Variants in ISM2 observed in about 807,000 individuals in gnomAD.
The protein encoded by ISM2 is isthmin-2.
Under a neutral mutation model 58.0 loss-of-function variants are expected in ISM2, and 50 were observed. The observed-to-expected ratio is 0.86, with a 90% CI of 0.69 to 1.09. The LOEUF (loss-of-function observed/expected upper bound fraction) is 1.09. ISM2 is among the 50% of genes least tolerant of loss of function. ISM2 has a pLI of 0.00. For missense variants in ISM2, 723 were observed against 745.0 expected (o/e 0.97, Z 0.34); for synonymous variants, 303 against 312.4 (o/e 0.97, Z 0.32).
intron 1 of ISM2, 44 bp downstream of exon 1, chr14:77,498,609 G>C (rs1304647332): frequency 7.1e-7 from 1 of 1,405,802 alleles, no homozygotes; most frequent in African/African-American, 1.5e-5. Flanking sequence ...CTGGGGAGGT[G>C]GGACCGACAG....
Position 77,484,831 on chromosome 14 carries a change from T to C in ISM2, c.230A>G (p.Gln77Arg). Residue 77 changes from glutamine (Q) to arginine (R), a missense_variant, in exon 2 of 7, where the codon CAA (glutamine) becomes CGA (arginine). Physicochemically the swap from Gln to Arg is conservative, Grantham distance 43. Transcript: ENST00000342219. The part of the protein sequence containing the change: ...PRTHLQAEPH[Q>R]HGCWTVTEPA... ...CTCAGTGACAGTCCAGCATCCATGT[T>C]GGTGTGGCTCTGCCTGCAGGTGGGT... The C allele has an allele frequency of 6.2e-7, 1 of 1,610,018 alleles. No individual in the cohort carries two copies. Among genetic ancestry groups the C allele is most frequent in the Non-Finnish European group, 8.5e-7 (1 of 1,178,426 alleles).
At chr14:77,484,944 G>A (rs1566755969) in intron 1 of ISM2, 25 bp from the exon 2 acceptor site, 3 of 1,532,758 alleles carry the variant, frequency 2.0e-6, no homozygotes, top group Non-Finnish European at 2.6e-6. Flanking sequence ...AGGAAGGTAA[G>A]GTAACAGGTC....
rs1479597014 is a variant in ISM2 at position 77,498,737 on chromosome 14, C to T, written c.57G>A (p.Ala19=). ...GGAGCCCTAGCGCCGCCTCCAGCAG[C>T]GCCGCCAGCAGCAGCACGCAGAGGA... The part of the protein sequence containing the change: ...GLLLCVLLLA[A]LLEAALGLPV... The change falls in exon 1 of 7, where the codon GCG becomes GCA. Residue 19 remains alanine, a synonymous_variant. Coordinates refer to ENST00000342219, the MANE Select transcript of ISM2 (RefSeq NM_199296.3). 13 of 1,482,204 alleles carry T rather than the reference C, an allele frequency of 8.8e-6. No homozygotes were observed. The highest frequency in any genetic ancestry group is 1.5e-5 in the African/African-American group (1 of 68,152). 91.8% of individuals were successfully genotyped at this position (1,482,204 alleles called of 1,614,324 possible).
chr14:77,488,008 A>G lies in ISM2; in HGVS notation c.142-3089T>C, dbSNP rs542431430. ...TACATCTCCCAGAAGGGCTGAGGGG[A>G]TCAGGGCCGGGCACCCAGAGGCCCA... On this transcript the variant is annotated intron_variant, in intron 1 of 6. Coordinates refer to ENST00000342219, the MANE Select transcript of ISM2 (RefSeq NM_199296.3). Among the ~76,000 whole-genome samples, 21 of 152,290 alleles carry G rather than the reference A, an allele frequency of 1.4e-4. No individual in the cohort carries two copies. The South Asian group carries it at 2.7e-3, about 20-fold the overall frequency.
In ISM2 at chr14:77,485,115, A is replaced by C. The variant is rs540773673; in HGVS notation, c.142-196T>G. On this transcript the variant is annotated intron_variant, in intron 1 of 6. Coordinates refer to ENST00000342219, the MANE Select transcript of ISM2 (RefSeq NM_199296.3). ...GCCTGCTTTAAGGCCCTCAACGGGT[A>C]AGTGAGGGTGTAGCTGGTCAGACAG... is the stretch of plus-strand genomic sequence containing the variant. Among the ~76,000 whole-genome samples, 3 of 152,336 alleles carry C rather than the reference A, an allele frequency of 2.0e-5. No individual in the cohort carries two copies. In the South Asian group the frequency reaches 6.2e-4, roughly 32 times the overall value.
chr14:77,475,571 A>G lies in ISM2; in HGVS notation c.*24T>C, dbSNP rs764652312. ...CAGCAGCCGCCTGCCCTCTCCCTGCAGTGTCTGTTCAGCAACCCCGTCACT... is the reference window on the plus strand; with the variant it reads ...CAGCAGCCGCCTGCCCTCTCCCTGCGGTGTCTGTTCAGCAACCCCGTCACT... On this transcript the variant is annotated 3_prime_UTR_variant, in exon 7 of 7. Coordinates refer to ENST00000342219, the MANE Select transcript of ISM2 (RefSeq NM_199296.3). The surrounding 1 kb of genome is among the most constrained non-coding windows in gnomAD (Gnocchi z 4.1). 2.0e-6 allele frequency: 3 copies of G among 1,531,224 alleles called. No homozygotes were observed. The highest frequency in any genetic ancestry group is 2.6e-6 in the Non-Finnish European group (3 of 1,137,112). The allele number at this position is 1,531,224 out of a possible 1,614,324, so 94.9% of individuals were successfully genotyped here. A position where few individuals can be genotyped will look rare whatever the true frequency, so the allele number is the denominator to read the frequency against.
intron 1 of ISM2, among the ~76,000 whole-genome samples, chr14:77,491,257 T>C (rs1425572120): frequency 1.3e-5 from 2 of 152,196 alleles, no homozygotes; most frequent in African/African-American, 2.4e-5. Context: ...TCTCAGCCTA[T>C]ACCCTCAACA....
chr14:77,488,257 G>A (rs759238383), intron 1 of ISM2, among the ~76,000 whole-genome samples: 3 of 152,198 alleles, frequency 2.0e-5, no homozygotes, highest in East Asian at 1.9e-4. Context: ...CCTGAGGGGC[G>A]AGCGTGATCA....
chr14:77,486,126 C>G (rs1253987857), intron 1 of ISM2, among the ~76,000 whole-genome samples: 1 of 152,230 alleles, frequency 6.6e-6, no homozygotes, highest in East Asian at 1.9e-4. Flanking sequence ...CCTGAGGTTG[C>G]ACAGACATTT....
At position 77,498,725 on chromosome 14, in the gene ISM2, C is replaced by G. The variant is rs976711401; in HGVS notation, c.69G>C (p.Ala23=). 2.7e-6 allele frequency: 4 copies of G among 1,483,462 alleles called. No individual in the cohort carries two copies. In the East Asian group the frequency reaches 1.2e-4, roughly 44 times the overall value. The allele number at this position is 1,483,462 out of a possible 1,614,324, so 91.9% of individuals were successfully genotyped here. ...GCTTCTTCACGGGGAGCCCTAGCGC[C>G]GCCTCCAGCAGCGCCGCCAGCAGCA... is the stretch of plus-strand genomic sequence containing the variant. The part of the protein sequence containing the change: ...CVLLLAALLE[A]ALGLPVKKPR... Residue 23 remains alanine, a synonymous_variant, in exon 1 of 7, where the codon GCG becomes GCC. Coordinates refer to ENST00000342219, the MANE Select transcript of ISM2 (RefSeq NM_199296.3).
intron 4 of ISM2, among the ~76,000 whole-genome samples, chr14:77,482,053 C>T (rs2079135240): frequency 2.0e-5 from 3 of 151,042 alleles, no homozygotes; most frequent in Admixed American, 2.0e-4. Context: ...TTTGAGGCTG[C>T]AGTGAACCAT....
intron 1 of ISM2, among the ~76,000 whole-genome samples, chr14:77,497,229 G>A (rs572257911): frequency 2.0e-5 from 3 of 151,894 alleles, no homozygotes; most frequent in Non-Finnish European, 4.4e-5. Flanking sequence ...TTAGCCAGGC[G>A]CGGTGGCAGG....
intron 6 of ISM2, 53 bp downstream of exon 6, chr14:77,478,189 C>T (rs1468205561): frequency 1.4e-6 from 2 of 1,440,240 alleles, no homozygotes; most frequent in Non-Finnish European, 9.8e-7. Context: ...CCCCACCCTC[C>T]CCTGAGAGCT....
intron 1 of ISM2, among the ~76,000 whole-genome samples, chr14:77,489,010 A>G (rs2079184816): frequency 6.6e-6 from 1 of 152,114 alleles, no homozygotes; most frequent in South Asian, 2.1e-4. Context: ...ATAGAGATAC[A>G]TCTGAGGTAT....
At chr14:77,498,613 C>T in intron 1 of ISM2, 40 bp downstream of exon 1, 2 of 1,408,102 alleles carry the variant, frequency 1.4e-6, no homozygotes, top group Non-Finnish European at 1.8e-6. Flanking sequence ...GGAGGTGGGA[C>T]CGACAGCGCG....
chr14:77,477,944 G>T (rs1424198070), intron 6 of ISM2, among the ~76,000 whole-genome samples: 5 of 152,176 alleles, frequency 3.3e-5, no homozygotes, highest in Non-Finnish European at 7.4e-5. Context: ...AGGAATGGAA[G>T]TCAGAACGTC....
In ISM2 at chr14:77,496,186, CAAAAAA is replaced by C. The variant is rs1187094203; in HGVS notation, c.141+2461_141+2466del. ...GCCGAGATTGAGCAAGACTCCATGC[CAAAAAA>C]AAAAAAAAAAATTCAGCCGGGCATG... On this transcript the variant is annotated intron_variant, in intron 1 of 6. Coordinates refer to ENST00000342219, the MANE Select transcript of ISM2 (RefSeq NM_199296.3). 1.2e-3 allele frequency among the ~76,000 whole-genome samples: 146 copies of C among 118,290 alleles called. 1 individual carries two copies. The highest frequency in any genetic ancestry group is 4.2e-3 in the African/African-American group (139 of 32,954). The allele number at this position is 118,290 out of a possible 152,430, so 77.6% of individuals were successfully genotyped here. A position where few individuals can be genotyped will look rare whatever the true frequency, so the allele number is the denominator to read the frequency against.
At chr14:77,489,344 G>A (rs2079186925) in intron 1 of ISM2, among the ~76,000 whole-genome samples, 3 of 152,158 alleles carry the variant, frequency 2.0e-5, no homozygotes, top group Admixed American at 1.3e-4. Context: ...CTGGTGGGAG[G>A]TGCTGGAGAC....
At chr14:77,498,452 G>T in intron 1 of ISM2, 2 of 1,169,328 alleles carry the variant, frequency 1.7e-6, no homozygotes, top group Non-Finnish European at 1.2e-6. Context: ...GCGGTCACGC[G>T]CGAGGAGTGG....
Sources: allele counts gnomAD v4.1 joint callset (sites outside exome capture counted in the v4.1 genomes callset), GRCh38; gene constraint gnomAD v4.1.1; non-coding constraint Gnocchi (gnomAD v3.1); transcripts MANE v1.5; gene names NCBI Gene and HGNC (gene_info 2026-07-23, HGNC 2026-07-21).